Variants in VWA3B observed in about 807,000 individuals in gnomAD.
The protein encoded by VWA3B is von Willebrand factor A domain-containing protein 3B.
A neutral mutation model predicts 158.3 loss-of-function variants in VWA3B; 138 were observed. The ratio of observed to expected loss-of-function variants is 0.87; its 90% CI spans 0.76 to 1.00. VWA3B has a LOEUF of 1.00. VWA3B is among the 50% of genes least tolerant of loss of function. The pLI is 0.00. For synonymous variants in VWA3B, 596 were observed against 587.3 expected, an observed-to-expected ratio of 1.01 and a Z score of -0.21; for missense variants, 1,555 against 1,565.1, an observed-to-expected ratio of 0.99 and a Z score of 0.11.
chr2:98,169,067 T>C (rs1020869527), intron 8 of VWA3B, among the ~76,000 whole-genome samples: 3 of 152,082 alleles, frequency 2.0e-5, no homozygotes, highest in East Asian at 1.9e-4. Flanking sequence ...AAATCAGTAA[T>C]ACAGAGGAAA....
intron 21 of VWA3B, among the ~76,000 whole-genome samples, chr2:98,266,793 A>G (rs1385012211): frequency 3.7e-5 from 5 of 135,668 alleles, no homozygotes; most frequent in African/African-American, 1.1e-4. Context: ...TAGGTATTTT[A>G]TTCTCTTTGA....
chr2:98,260,953 A>G (rs1687443697), intron 21 of VWA3B, among the ~76,000 whole-genome samples: 2 of 151,628 alleles, frequency 1.3e-5, no homozygotes, highest in Non-Finnish European at 3.0e-5. Flanking sequence ...TAAGCACCAT[A>G]TATTTGGATC....
intron 12 of VWA3B, among the ~76,000 whole-genome samples, chr2:98,211,402 T>C (rs1363650076): frequency 6.6e-6 from 1 of 152,198 alleles, no homozygotes; most frequent in East Asian, 1.9e-4. Context: ...TGATGAAGTA[T>C]TCAAGAGATT....
intron 23 of VWA3B, among the ~76,000 whole-genome samples, chr2:98,297,619 C>T (rs1689886551): frequency 6.6e-6 from 1 of 152,082 alleles, no homozygotes; most frequent in Non-Finnish European, 1.5e-5. Context: ...TTCCAGGACC[C>T]ATGTTCCTGT....
At chr2:98,317,049 C>G (rs1366178665), downstream of VWA3B, among the ~76,000 whole-genome samples, 2 of 152,162 alleles carry the variant, frequency 1.3e-5, no homozygotes, top group Non-Finnish European at 2.9e-5. Context: ...GGTGAATTCA[C>G]AAATATGGAA....
chr2:98,194,313 T>C, intron 11 of VWA3B, 48 bp from the exon 12 acceptor site: 2 of 1,593,250 alleles, frequency 1.3e-6, no homozygotes, highest in Non-Finnish European at 1.7e-6. Context: ...CCAAACCCTT[T>C]CTAACATCTG....
intron 8 of VWA3B, 98 bp from the exon 9 acceptor site, chr2:98,180,918 C>G: frequency 8.4e-7 from 1 of 1,197,404 alleles, no homozygotes; most frequent in Non-Finnish European, 1.2e-6. Flanking sequence ...GGCTTTGTGT[C>G]TAATAAAGAA....
Position 98,119,578 on chromosome 2 carries a change from C to T in VWA3B, c.357C>T (p.Tyr119=). The T allele has an allele frequency of 6.2e-7, 1 of 1,614,096 alleles. No homozygotes were observed. Among genetic ancestry groups the T allele is most frequent in the Non-Finnish European group, 8.5e-7 (1 of 1,180,024 alleles). The change falls in exon 4 of 28, where the codon TAC becomes TAT. Residue 119 remains tyrosine, a synonymous_variant. Coordinates refer to ENST00000477737, the MANE Select transcript of VWA3B (RefSeq NM_144992.5). The stretch of plus-strand genomic sequence containing the variant: ...ATTTAACACAAGCTGTGGAGAGCTA[C>T]AAGCAGCGAATGGACTGGCTCACCA... ...VEHLTQAVES[Y]KQRMDWLTSK...
At chr2:98,307,436 G>A (rs1690593647) in intron 26 of VWA3B, among the ~76,000 whole-genome samples, 1 of 152,222 alleles carries the variant, frequency 6.6e-6, no homozygotes, top group Non-Finnish European at 1.5e-5. Context: ...AGTAACTTGG[G>A]GAATGCTGAG....
chr2:98,256,844 T>C (rs1302451253), intron 21 of VWA3B, among the ~76,000 whole-genome samples: 3 of 152,182 alleles, frequency 2.0e-5, no homozygotes, highest in Non-Finnish European at 2.9e-5. Context: ...GTACATATTT[T>C]GGGGTACATG....
At chr2:98,304,516 A>C (rs1016394110) in intron 26 of VWA3B, among the ~76,000 whole-genome samples, 1 of 152,036 alleles carries the variant, frequency 6.6e-6, no homozygotes, top group South Asian at 2.1e-4. Flanking sequence ...GCTAACCTTC[A>C]TTCTCCTAAT....
At chr2:98,258,607 G>A (rs1028409806) in intron 21 of VWA3B, among the ~76,000 whole-genome samples, 3 of 151,586 alleles carry the variant, frequency 2.0e-5, no homozygotes, top group African/African-American at 2.4e-5. Flanking sequence ...ATTATAAATG[G>A]GATTGTTTTC....
At chr2:98,295,666 G>A (rs1375802342) in intron 23 of VWA3B, among the ~76,000 whole-genome samples, 2 of 152,164 alleles carry the variant, frequency 1.3e-5, no homozygotes, top group Non-Finnish European at 2.9e-5. Context: ...CTTCAGAACC[G>A]AGGTCCTCAA....
chr2:98,128,500 C>T, intron 6 of VWA3B, 92 bp downstream of exon 6: 1 of 1,316,672 alleles, frequency 7.6e-7, no homozygotes. Context: ...TGGCTTTAAC[C>T]AATCTGTTGC....
At chr2:98,186,694 T>C (rs1681088230) in intron 9 of VWA3B, among the ~76,000 whole-genome samples, 1 of 152,072 alleles carries the variant, frequency 6.6e-6, no homozygotes, top group Non-Finnish European at 1.5e-5. Flanking sequence ...GGCCACTTCT[T>C]ACCATGGTCT....
chr2:98,262,013 G>A (rs2105848108), intron 21 of VWA3B, among the ~76,000 whole-genome samples: 1 of 151,856 alleles, frequency 6.6e-6, no homozygotes, highest in East Asian at 1.9e-4. Flanking sequence ...ATATCTCATA[G>A]TGGTTTTGAT....
chr2:98,217,573 T>C (rs1341875006), intron 13 of VWA3B, among the ~76,000 whole-genome samples: 1 of 152,238 alleles, frequency 6.6e-6, no homozygotes, highest in Non-Finnish European at 1.5e-5. Flanking sequence ...TTGAGTGACT[T>C]GGTTGGCCGA....
At chr2:98,277,919 C>T (rs983437978) in intron 22 of VWA3B, among the ~76,000 whole-genome samples, 3 of 151,854 alleles carry the variant, frequency 2.0e-5, no homozygotes, top group Non-Finnish European at 4.4e-5. Flanking sequence ...TTATCTGTGT[C>T]CCAGATAGTA....
At chr2:98,097,842 A>G (rs1459149404) in intron 2 of VWA3B, among the ~76,000 whole-genome samples, 3 of 151,490 alleles carry the variant, frequency 2.0e-5, no homozygotes, top group African/African-American at 4.9e-5. Context: ...TTTAATTTGC[A>G]TTTCTCCAGT....
Sources: gnomAD v4.1 joint callset for allele counts (sites outside exome capture counted in the v4.1 genomes callset) on GRCh38, gnomAD v4.1.1 for gene constraint, MANE v1.5 for transcripts, NCBI Gene and HGNC (gene_info 2026-07-23, HGNC 2026-07-21) for gene names.